REG4: variants seen among roughly 807,000 people sequenced by gnomAD.
The protein encoded by REG4 is regenerating family member 4.
In REG4, 16 loss-of-function variants were observed where a neutral mutation model predicts 22.3. The ratio of observed to expected loss-of-function variants is 0.72; its 90% CI spans 0.49 to 1.09. The LOEUF (loss-of-function observed/expected upper bound fraction) is 1.09. Ranked by LOEUF, REG4 falls within the 50% of genes least tolerant of loss-of-function variation. REG4 has a pLI of 0.00. For synonymous variants in REG4, 71 were observed against 69.2 expected, an observed-to-expected ratio of 1.03 and a Z score of -0.13; for missense variants, 214 against 193.9, an observed-to-expected ratio of 1.10 and a Z score of -0.61.
intron 5 of REG4, among the ~76,000 whole-genome samples, chr1:119,798,124 T>G (rs1227696421): frequency 2.6e-5 from 4 of 152,154 alleles, no homozygotes; most frequent in Non-Finnish European, 2.9e-5. Context: ...CAGAAGAGAT[T>G]TATCTGTTTT....
chr1:119,809,485 C>G (rs1447852346), intron 1 of REG4, among the ~76,000 whole-genome samples: 1 of 152,096 alleles, frequency 6.6e-6, no homozygotes, highest in Non-Finnish European at 1.5e-5. Context: ...CAATGCAAAA[C>G]TAGAAAATAA....
chr1:119,809,843 T>C (rs1361287095), intron 1 of REG4, among the ~76,000 whole-genome samples: 1 of 152,224 alleles, frequency 6.6e-6, no homozygotes. Context: ...ATGCTTAATT[T>C]TGTCAAGTTT....
rs1228408057 is a variant in REG4 at position 119,803,177 on chromosome 1, C to T, written c.68-12G>A. ...TCTCATGATGATATCTGCACATAAA[C>T]AAAAGGCAATTGCACATTATGATAG... On this transcript the variant is annotated splice_polypyrimidine_tract_variant and intron_variant, in intron 2 of 5. Coordinates refer to ENST00000256585, the MANE Select transcript of REG4 (RefSeq NM_032044.4). The T allele has an allele frequency of 6.6e-7, 1 of 1,507,420 alleles. No homozygotes were observed. Among genetic ancestry groups the T allele is most frequent in the East Asian group, 2.3e-5 (1 of 43,486 alleles). The allele number at this position is 1,507,420 out of a possible 1,614,324, so 93.4% of individuals were successfully genotyped here.
intron 2 of REG4, among the ~76,000 whole-genome samples, chr1:119,807,847 G>C (rs992028872): frequency 6.6e-6 from 1 of 152,122 alleles, no homozygotes; most frequent in African/African-American, 2.4e-5. Context: ...CCTACCCTTG[G>C]CCAAGGGCAT....
chr1:119,800,705 G>T (rs1200466449), intron 3 of REG4, among the ~76,000 whole-genome samples: 2 of 152,176 alleles, frequency 1.3e-5, no homozygotes, highest in Non-Finnish European at 2.9e-5. Context: ...TAGTGAATGG[G>T]CATGGATCAA....
Position 119,794,545 on chromosome 1 carries a change from G to T in REG4, c.*73C>A. ...CTAGGTTTCCCCTCTGAAATAATGAGCAGATTTAGCCAGGCTAGCAGAAAG... is the reference window on the plus strand; with the variant it reads ...CTAGGTTTCCCCTCTGAAATAATGATCAGATTTAGCCAGGCTAGCAGAAAG... On this transcript the variant is annotated 3_prime_UTR_variant, in exon 6 of 6. Transcript: ENST00000256585. 1 of 1,339,714 alleles carries T rather than the reference G, an allele frequency of 7.5e-7. No homozygotes were observed. Among genetic ancestry groups the T allele is most frequent in the Non-Finnish European group, 1.1e-6 (1 of 930,180 alleles). 83.0% of individuals were successfully genotyped at this position (1,339,714 alleles called of 1,614,324 possible).
chr1:119,808,512 T>C (rs1654394311), intron 2 of REG4, among the ~76,000 whole-genome samples, 191 bp downstream of exon 2: 1 of 152,258 alleles, frequency 6.6e-6, no homozygotes, highest in Non-Finnish European at 1.5e-5. Context: ...GTTATAATCA[T>C]ATGGAATTGA....
intron 5 of REG4, among the ~76,000 whole-genome samples, chr1:119,795,664 A>G (rs1178982607): frequency 6.6e-6 from 1 of 152,120 alleles, no homozygotes; most frequent in Non-Finnish European, 1.5e-5. Flanking sequence ...GGTGGGTGAG[A>G]ACCCTGGGGA....
rs1276559837 is a variant in REG4, at chr1:119,803,091, G to A, written c.142C>T (p.Leu48=). 1 of 1,581,586 alleles carries A rather than the reference G, an allele frequency of 6.3e-7. No individual in the cohort carries two copies. The highest frequency in any genetic ancestry group is 1.4e-5 in the African/African-American group (1 of 73,728). The part of the protein sequence containing the change: ...KSNCYGYFRK[L]RNWSDAELEC... ...ACCTCGGCATCAGACCAGTTCCTCA[G>A]CTTCCTGAAGTAACCATAGCAATTG... The change falls in exon 3 of 6, where the codon CTG becomes TTG. Residue 48 remains leucine (L), a synonymous_variant. Coordinates refer to ENST00000256585, the MANE Select transcript of REG4 (RefSeq NM_032044.4).
intron 2 of REG4, among the ~76,000 whole-genome samples, chr1:119,806,301 A>G (rs977967889): frequency 1.3e-5 from 2 of 152,168 alleles, no homozygotes; most frequent in African/African-American, 2.4e-5. Flanking sequence ...GGCCGTTTAC[A>G]TATATTCTAA....
intron 2 of REG4, among the ~76,000 whole-genome samples, chr1:119,803,420 C>T (rs779933351): frequency 3.2e-4 from 49 of 152,130 alleles, no homozygotes; most frequent in African/African-American, 7.7e-4. Context: ...TCCAAGAAAA[C>T]GTCACTGCGG....
At chr1:119,800,805 C>A (rs1056465109) in intron 3 of REG4, among the ~76,000 whole-genome samples, 1 of 152,024 alleles carries the variant, frequency 6.6e-6, no homozygotes, top group Non-Finnish European at 1.5e-5. Context: ...GTGAATATGC[C>A]CACCCCTTTG....
chr1:119,797,414 A>C (rs1366392748), intron 5 of REG4, among the ~76,000 whole-genome samples: 1 of 152,056 alleles, frequency 6.6e-6, no homozygotes, highest in Non-Finnish European at 1.5e-5. Context: ...TGCTGTTAGA[A>C]AGTTTTCTCA....
intron 3 of REG4, among the ~76,000 whole-genome samples, chr1:119,800,485 T>C (rs1462736506): frequency 6.6e-6 from 1 of 152,150 alleles, no homozygotes; most frequent in Non-Finnish European, 1.5e-5. Flanking sequence ...CATTCGGTCC[T>C]AACAGCAGCC....
intron 5 of REG4, among the ~76,000 whole-genome samples, chr1:119,797,472 GC>G (rs1253302789): frequency 6.6e-6 from 1 of 152,052 alleles, no homozygotes; most frequent in Non-Finnish European, 1.5e-5. Context: ...ACAGTAAACT[GC>G]CCCCATGTCC....
chr1:119,808,588 A>G, intron 2 of REG4, 115 bp downstream of exon 2: 1 of 719,252 alleles, frequency 1.4e-6, no homozygotes, highest in Non-Finnish European at 2.3e-6. Flanking sequence ...CTCCATGTTT[A>G]AAAACCTATT....
intron 2 of REG4, among the ~76,000 whole-genome samples, chr1:119,804,703 AG>A (rs2101072744): frequency 6.6e-6 from 1 of 152,332 alleles, no homozygotes; most frequent in Admixed American, 6.5e-5. Flanking sequence ...TTTGTAAATA[AG>A]GTGCTTGACT....
rs2101071215 is a variant in REG4, at chr1:119,803,143, A to G, written c.90T>C (p.Cys30=). 2 of 1,525,586 alleles carry G rather than the reference A, an allele frequency of 1.3e-6. No individual in the cohort carries two copies. The highest frequency in any genetic ancestry group is 1.8e-6 in the Non-Finnish European group (2 of 1,139,148). The allele number at this position is 1,525,586 out of a possible 1,614,324, so 94.5% of individuals were successfully genotyped here. A position where few individuals can be genotyped will look rare whatever the true frequency, so the allele number is the denominator to read the frequency against. Residue 30 remains cysteine, a synonymous_variant, in exon 3 of 6, where the codon TGT becomes TGC. Coordinates refer to ENST00000256585, the MANE Select transcript of REG4 (RefSeq NM_032044.4). ...VLGDIIMRPS[C]APGWFYHKSN... ...ACTTGTGGTAAAACCATCCAGGAGC[A>G]CAGCTGGGTCTCATGATGATATCTG...
Position 119,804,665 on chromosome 1 carries a change from G to A in REG4, c.68-1500C>T, listed in dbSNP as rs913371065. Among the ~76,000 whole-genome samples the A allele has an allele frequency of 5.3e-5, 8 of 152,276 alleles. 1 individual carries two copies. Among genetic ancestry groups the A allele is most frequent in the South Asian group, 4.1e-4 (2 of 4,824 alleles). On this transcript the variant is annotated intron_variant, in intron 2 of 5. Coordinates refer to ENST00000256585, the MANE Select transcript of REG4 (RefSeq NM_032044.4). ...AAAACACAGCCTTTATGCCATTGCC[G>A]TTACTACTAGTACCACTGTCACTAG...
Sources: gnomAD v4.1 joint callset for allele counts (sites outside exome capture counted in the v4.1 genomes callset) on GRCh38, gnomAD v4.1.1 for gene constraint, MANE v1.5 for transcripts, NCBI Gene and HGNC (gene_info 2026-07-23, HGNC 2026-07-21) for gene names.